Variants in CDH19 observed in about 807,000 individuals in gnomAD.
CDH19 encodes the protein cadherin 19, also known as cadherin-19.
In CDH19, 67 loss-of-function variants were observed where a neutral mutation model predicts 64.2. The ratio of observed to expected loss-of-function variants is 1.04; its 90% CI spans 0.86 to 1.28. The LOEUF (loss-of-function observed/expected upper bound fraction) is 1.28, where lower values mean the gene tolerates loss of function less well. CDH19 is among the 50% of genes most tolerant of loss of function. The pLI is 0.00. For synonymous variants in CDH19, 346 were observed against 319.3 expected (o/e 1.08, Z -0.89); for missense variants, 1,030 against 929.0 (o/e 1.11, Z -1.41).
chr18:66,514,378 C>A (rs1985638140), intron 9 of CDH19, among the ~76,000 whole-genome samples: 1 of 150,742 alleles, frequency 6.6e-6, no homozygotes, highest in Non-Finnish European at 1.5e-5. Context: ...GAATAAGGAC[C>A]AAAAATAATG....
rs149735488 is a variant in CDH19, at chr18:66,543,980, G to T, written c.1205C>A (p.Ser402Tyr). Residue 402 changes from serine to tyrosine, a missense_variant, in exon 7 of 12, where the codon TCT (serine) becomes TAT (tyrosine). By Grantham distance (144) the Ser-to-Tyr change is moderately radical. Coordinates refer to ENST00000262150, the MANE Select transcript of CDH19 (RefSeq NM_021153.4). ...GACCTTACAGACATACCTGATAGGA[G>T]ATTTCCTATTGTCTGGGTCTGTGGC... ...VSATDPDNRK[S>Y]PIRYSITRSK... The T allele has an allele frequency of 6.9e-4, 1,106 of 1,609,958 alleles. 2 individuals are homozygous for T. Among genetic ancestry groups the T allele is most frequent in the Non-Finnish European group, 9.0e-4 (1,062 of 1,177,126 alleles).
At chr18:66,536,878 C>A (rs549841686) in intron 7 of CDH19, among the ~76,000 whole-genome samples, 177 of 151,730 alleles carry the variant, frequency 1.2e-3, no homozygotes, top group Non-Finnish European at 2.3e-3. Flanking sequence ...ACTAGGGAGA[C>A]AAACATCAGA....
intron 8 of CDH19, among the ~76,000 whole-genome samples, chr18:66,532,937 G>A (rs1420997516): frequency 6.6e-6 from 1 of 151,736 alleles, no homozygotes; most frequent in Non-Finnish European, 1.5e-5. Context: ...TTTAACTTGA[G>A]AACATGTATA....
rs1985212346 is a variant in CDH19, at chr18:66,506,632, C to A, written c.1829-1330G>T. On this transcript the variant is annotated intron_variant, in intron 11 of 11. Coordinates refer to ENST00000262150, the MANE Select transcript of CDH19 (RefSeq NM_021153.4). ...ACATCATGTAGAAACAGAAAAAATT[C>A]AGAACACTTTTGCTTTAATTTTAAA... Among the ~76,000 whole-genome samples, 4 of 151,580 alleles carry A rather than the reference C, an allele frequency of 2.6e-5. 1 individual carries two copies. Among genetic ancestry groups the A allele is most frequent in the Admixed American group, 2.6e-4 (4 of 15,172 alleles).
At chr18:66,556,389 C>G (rs1411766720) in intron 3 of CDH19, among the ~76,000 whole-genome samples, 3 of 151,648 alleles carry the variant, frequency 2.0e-5, no homozygotes. Context: ...TCTTACTTAT[C>G]TGATACTTTG....
chr18:66,583,610 G>C (rs530720414), intron 1 of CDH19, among the ~76,000 whole-genome samples: 2 of 151,996 alleles, frequency 1.3e-5, no homozygotes, highest in African/African-American at 4.8e-5. Flanking sequence ...GCCTGTTCCT[G>C]AGTGAGTTTG....
chr18:66,521,607 A>T (rs905913555), intron 9 of CDH19, among the ~76,000 whole-genome samples: 1 of 151,530 alleles, frequency 6.6e-6, no homozygotes, highest in Non-Finnish European at 1.5e-5. Flanking sequence ...GCAATCATAG[A>T]TCATTGCAGC....
At chr18:66,532,062 G>C (rs1361493739) in intron 8 of CDH19, among the ~76,000 whole-genome samples, 1 of 151,992 alleles carries the variant, frequency 6.6e-6, no homozygotes, top group Non-Finnish European at 1.5e-5. Flanking sequence ...CACCTCCTAG[G>C]CTCAAGCGAT....
chr18:66,573,708 TG>T (rs1988178527), intron 1 of CDH19, among the ~76,000 whole-genome samples: 1 of 151,604 alleles, frequency 6.6e-6, no homozygotes, highest in Non-Finnish European at 1.5e-5. Context: ...ATATAATTTT[TG>T]GGAACTTTAT....
At chr18:66,553,990 A>AGT (rs1987425745) in intron 4 of CDH19, among the ~76,000 whole-genome samples, 1 of 88,826 alleles carries the variant, frequency 1.1e-5, no homozygotes. Context: ...CTGCAGGGTT[A>AGT]TGCAGCTGTA....
chr18:66,576,922 C>T (rs982067762), intron 1 of CDH19, among the ~76,000 whole-genome samples: 11 of 151,558 alleles, frequency 7.3e-5, no homozygotes, highest in South Asian at 4.1e-4. Flanking sequence ...TTACTAGCAA[C>T]GCATAAGCAA....
At chr18:66,511,309 T>G (rs1985469841) in intron 10 of CDH19, among the ~76,000 whole-genome samples, 1 of 151,402 alleles carries the variant, frequency 6.6e-6, no homozygotes, top group Non-Finnish European at 1.5e-5. Flanking sequence ...GCAGGGTCAT[T>G]CAGACTTTAC....
At chr18:66,530,904 C>G (rs1287350427) in intron 8 of CDH19, among the ~76,000 whole-genome samples, 1 of 152,050 alleles carries the variant, frequency 6.6e-6, no homozygotes, top group Non-Finnish European at 1.5e-5. Flanking sequence ...GTCAATGTGC[C>G]CTGGTTGAAA....
chr18:66,595,650 T>C (rs1262199645), intron 1 of CDH19, among the ~76,000 whole-genome samples: 1 of 151,226 alleles, frequency 6.6e-6, no homozygotes, highest in African/African-American at 2.4e-5. Flanking sequence ...TAATAGTGAG[T>C]TCCAAAATTG....
At chr18:66,602,240 T>A (rs566258747) in intron 1 of CDH19, among the ~76,000 whole-genome samples, 1 of 152,118 alleles carries the variant, frequency 6.6e-6, no homozygotes, top group East Asian at 1.9e-4. Context: ...TACTGCTATG[T>A]AATGTTTTAA....
chr18:66,513,067 T>C (rs968176380), intron 9 of CDH19, among the ~76,000 whole-genome samples: 4 of 151,526 alleles, frequency 2.6e-5, no homozygotes, highest in African/African-American at 9.7e-5. Flanking sequence ...TGGATATCTT[T>C]ATATGCACAT....
chr18:66,512,144 G>T (rs1985522270), intron 9 of CDH19, among the ~76,000 whole-genome samples: 1 of 151,606 alleles, frequency 6.6e-6, no homozygotes, highest in South Asian at 2.1e-4. Flanking sequence ...CTGAAGTAAT[G>T]AGATTTGCAA....
chr18:66,580,999 C>T (rs563608148), intron 1 of CDH19, among the ~76,000 whole-genome samples: 18 of 152,164 alleles, frequency 1.2e-4, no homozygotes, highest in African/African-American at 4.1e-4. Context: ...AGAAAAAATG[C>T]TCTCGCCTGA....
intron 9 of CDH19, among the ~76,000 whole-genome samples, chr18:66,520,177 T>C (rs1343941407): frequency 6.6e-6 from 1 of 151,972 alleles, no homozygotes; most frequent in African/African-American, 2.4e-5. Flanking sequence ...ACAGCCAGAC[T>C]CTGTCTCAAA....
Sources: gnomAD v4.1 joint callset for allele counts (sites outside exome capture counted in the v4.1 genomes callset) on GRCh38, gnomAD v4.1.1 for gene constraint, MANE v1.5 for transcripts, NCBI Gene and HGNC (gene_info 2026-07-23, HGNC 2026-07-21) for gene names.